The following GDF1 variants were observed in gnomAD, a reference collection of about 807,000 sequenced individuals.
GDF1 encodes the protein growth differentiation factor 1.
Under a neutral mutation model 7.4 loss-of-function variants are expected in GDF1, and 8 were observed. The observed-to-expected ratio is 1.09, with a 90% CI of 0.64 to 1.96. The LOEUF is 1.96. Among genes scored for constraint, GDF1 ranks in the 30% most tolerant of loss-of-function variants. The pLI, the probability that GDF1 is intolerant of heterozygous loss-of-function variation, is 0.00. For synonymous variants in GDF1, 311 were observed against 276.7 expected, an observed-to-expected ratio of 1.12 and a Z score of -1.23; for missense variants, 574 against 551.5, an observed-to-expected ratio of 1.04 and a Z score of -0.41.
chr19:18,870,668 C>A lies in GDF1; in HGVS notation c.-312-49G>T. On this transcript the variant is annotated intron_variant, in intron 6 of 7. Coordinates refer to ENST00000247005, the MANE Select transcript of GDF1 (RefSeq NM_001492.6). The surrounding 1 kb of genome is among the most constrained non-coding windows in gnomAD (Gnocchi z 5.1). Reference sequence around the variant, plus strand: ...TTAGCCTGGGAGCCCCACGCGGCCGCCTGGCCCTCTTTCCCGCTTCTTCTC... The same window carrying A: ...TTAGCCTGGGAGCCCCACGCGGCCGACTGGCCCTCTTTCCCGCTTCTTCTC... The A allele has an allele frequency of 1.9e-6, 1 of 514,102 alleles. No homozygotes were observed. Among genetic ancestry groups the A allele is most frequent in the Non-Finnish European group, 3.5e-6 (1 of 283,982 alleles). 31.8% of individuals were successfully genotyped at this position (514,102 alleles called of 1,614,324 possible).
Position 18,878,833 on chromosome 19 carries a change from C to T in GDF1, c.-313+97G>A. On this transcript the variant is annotated intron_variant, in intron 6 of 7. Coordinates refer to ENST00000247005, the MANE Select transcript of GDF1 (RefSeq NM_001492.6). The surrounding 1 kb of genome is among the most constrained non-coding windows in gnomAD (Gnocchi z 4.6). ...CTTGGGGGGCAGCATCCGCGTCGGC[C>T]TCATCTGCTGCTGGGTCTTGGGGGC... is the stretch of plus-strand genomic sequence containing the variant. The T allele has an allele frequency of 6.5e-7, 1 of 1,533,824 alleles. No individual in the cohort carries two copies. Among genetic ancestry groups the T allele is most frequent in the Non-Finnish European group, 8.8e-7 (1 of 1,141,174 alleles).
intron 6 of GDF1, among the ~76,000 whole-genome samples, chr19:18,872,709 T>TTTAGTATA (rs2055995998): frequency 6.6e-6 from 1 of 151,890 alleles, no homozygotes. Flanking sequence ...AGAGATGCGG[T>TTTAGTATA]TTTACCATGT....
chr19:18,875,331 A>C (rs535687702), intron 6 of GDF1, among the ~76,000 whole-genome samples: 7 of 152,188 alleles, frequency 4.6e-5, no homozygotes, highest in Admixed American at 1.3e-4. Context: ...GGAACACTTG[A>C]GGTCAGGAGT....
In GDF1 at chr19:18,869,392, T is replaced by C. The variant is rs1324778074; in HGVS notation, c.326-2A>G. 2 of 1,527,058 alleles carry C rather than the reference T, an allele frequency of 1.3e-6. No individual in the cohort carries two copies. Among genetic ancestry groups the C allele is most frequent in the Non-Finnish European group, 1.7e-6 (2 of 1,143,652 alleles). 94.6% of individuals were successfully genotyped at this position (1,527,058 alleles called of 1,614,324 possible). On this transcript the variant is annotated splice_acceptor_variant, in intron 7 of 7. Transcript: ENST00000247005. LOFTEE classifies it high-confidence loss of function. ...GCTCCGAGGCCCGGGTGGGCGCACCTGGGGAGGTAGGAACAGGAACTCGGC... is the reference window on the plus strand; with the variant it reads ...GCTCCGAGGCCCGGGTGGGCGCACCCGGGGAGGTAGGAACAGGAACTCGGC...
chr19:18,879,002 T>C lies in GDF1; in HGVS notation c.-385A>G. 1.2e-6 allele frequency: 2 copies of C among 1,613,744 alleles called. No individual in the cohort carries two copies. The highest frequency in any genetic ancestry group is 1.7e-6 in the Non-Finnish European group (2 of 1,179,836). ...CCGCAGGTCCTTCAGCTCGTGCACCTGGCCTGTCAACACCTTGGCTGCAAA... is the reference window on the plus strand; with the variant it reads ...CCGCAGGTCCTTCAGCTCGTGCACCCGGCCTGTCAACACCTTGGCTGCAAA... On this transcript the variant is annotated 5_prime_UTR_variant, in exon 6 of 8. Coordinates refer to ENST00000247005, the MANE Select transcript of GDF1 (RefSeq NM_001492.6).
At position 18,878,423 on chromosome 19, in the gene GDF1, C is replaced by T. The variant is rs2056105274; in HGVS notation, c.-313+507G>A. ...CTGGACTGAGTCTGAGCTCCCAGCC[C>T]CAGCTCCTGTTTGGCCGGGCAGTGG... On this transcript the variant is annotated intron_variant, in intron 6 of 7. Coordinates refer to ENST00000247005, the MANE Select transcript of GDF1 (RefSeq NM_001492.6). The surrounding 1 kb of genome is among the most constrained non-coding windows in gnomAD (Gnocchi z 4.6). The T allele has an allele frequency of 2.0e-6, 2 of 990,888 alleles. No homozygotes were observed. The highest frequency in any genetic ancestry group is 9.2e-5 in the South Asian group (2 of 21,824). The allele number at this position is 990,888 out of a possible 1,614,324, so 61.4% of individuals were successfully genotyped here.
intron 7 of GDF1, 110 bp from the exon 8 acceptor site, chr19:18,869,500 C>G (rs2055923238): frequency 8.2e-7 from 1 of 1,219,640 alleles, no homozygotes; most frequent in Non-Finnish European, 1.1e-6. Context: ...GGCGCACCGT[C>G]TGTGGGAAGG....
rs778999415 is a variant in GDF1, at chr19:18,878,949, G to A, written c.-332C>T. The A allele has an allele frequency of 9.9e-6, 16 of 1,613,766 alleles. No homozygotes were observed. Among genetic ancestry groups the A allele is most frequent in the Non-Finnish European group, 1.4e-5 (16 of 1,179,846 alleles). ...ACTCACTCGGCTTTGCTGGGCTTCAGGCTCTGGGCCTCGGCTGTGTCATAC... is the reference window on the plus strand; with the variant it reads ...ACTCACTCGGCTTTGCTGGGCTTCAAGCTCTGGGCCTCGGCTGTGTCATAC... On this transcript the variant is annotated 5_prime_UTR_variant, in exon 6 of 8. Coordinates refer to ENST00000247005, the MANE Select transcript of GDF1 (RefSeq NM_001492.6). The surrounding 1 kb of genome is among the most constrained non-coding windows in gnomAD (Gnocchi z 4.6).
rs187001958 is a variant in GDF1, at chr19:18,878,230, T to C, written c.-313+700A>G. On this transcript the variant is annotated intron_variant, in intron 6 of 7. Transcript: ENST00000247005. This position sits in a 1 kb window ranked among gnomAD's most constrained non-coding sequence, Gnocchi z 4.6. ...GCTCAAACACTCCTCACGTTGCCTA[T>C]GAGACACTGCACACCCGACTCTGCT... The C allele has an allele frequency of 2.8e-4, 279 of 985,604 alleles. No individual in the cohort carries two copies. Among genetic ancestry groups the C allele is most frequent in the Non-Finnish European group, 3.3e-4 (277 of 830,192 alleles). 61.1% of individuals were successfully genotyped at this position (985,604 alleles called of 1,614,324 possible). A position where few individuals can be genotyped will look rare whatever the true frequency, so the allele number is the denominator to read the frequency against.
At position 18,869,238 on chromosome 19, in the gene GDF1, C is replaced by A; in HGVS notation, c.478G>T (p.Glu160Ter). The part of the protein sequence containing the change: ...RFAAAAAAAP[E>*]GGWELSVAQA... ...GCCACGCTCAGCTCCCAGCCGCCCT[C>A]CGGGGCTGCCGCCGCCGCCGCCGCG... The change falls in exon 8 of 8, where the codon GAG (glutamate) becomes TAG (stop). Residue 160 changes from glutamate (E) to a stop codon, truncating the protein, a stop_gained. Coordinates refer to ENST00000247005, the MANE Select transcript of GDF1 (RefSeq NM_001492.6). LOFTEE classifies it low-confidence loss of function (END_TRUNC). The A allele has an allele frequency of 7.1e-7, 1 of 1,417,616 alleles. No homozygotes were observed. The highest frequency in any genetic ancestry group is 9.1e-7 in the Non-Finnish European group (1 of 1,096,962). 87.8% of individuals were successfully genotyped at this position (1,417,616 alleles called of 1,614,324 possible).
At chr19:18,880,174 G>C in intron 4 of GDF1, 100 bp downstream of exon 4, 4 of 1,207,288 alleles carry the variant, frequency 3.3e-6, no homozygotes, top group East Asian at 6.0e-5. Flanking sequence ...CCACCTCACC[G>C]GGCCCCGCCT....
chr19:18,868,673 A>G lies in GDF1; in HGVS notation c.1043T>C (p.Leu348Pro). Reference protein sequence around the residue: ...VPARLSPISVLFFDNSDNVVL... With the variant: ...VPARLSPISVPFFDNSDNVVL... Reference sequence around the variant, plus strand: ...CACGTTGTCGCTGTTGTCAAAGAAGAGCACGGAGATGGGCGACAGGCGCGC... The same window carrying G: ...CACGTTGTCGCTGTTGTCAAAGAAGGGCACGGAGATGGGCGACAGGCGCGC... The change falls in exon 8 of 8, where the codon CTC becomes CCC. Residue 348 changes from leucine to proline, a missense_variant. Physicochemically the swap from Leu to Pro is moderately conservative, Grantham distance 98. Coordinates refer to ENST00000247005, the MANE Select transcript of GDF1 (RefSeq NM_001492.6). 1 of 1,573,810 alleles carries G rather than the reference A, an allele frequency of 6.4e-7. No homozygotes were observed. Among genetic ancestry groups the G allele is most frequent in the South Asian group, 1.2e-5 (1 of 85,944 alleles).
intron 6 of GDF1, among the ~76,000 whole-genome samples, chr19:18,876,923 G>C (rs1190205811): frequency 6.6e-6 from 1 of 152,170 alleles, no homozygotes; most frequent in African/African-American, 2.4e-5. Flanking sequence ...CATGCTGCAG[G>C]TGGCATCTGT....
In GDF1 at chr19:18,895,450, C is replaced by T. The variant is rs2056602414; in HGVS notation, c.-1074+374G>A. On this transcript the variant is annotated intron_variant, in intron 1 of 7. Transcript: ENST00000247005. This position sits in a 1 kb window ranked among gnomAD's most constrained non-coding sequence, Gnocchi z 6.4. ...CGGAAAGAGCGCGCGGTGGCCGGAG[C>T]CATCCACCGCGCGGGGCCCCCTGGT... is the stretch of plus-strand genomic sequence containing the variant. 6.6e-6 allele frequency among the ~76,000 whole-genome samples: 1 copy of T among 150,888 alleles called. No homozygotes were observed. Among genetic ancestry groups the T allele is most frequent in the Non-Finnish European group, 1.5e-5 (1 of 67,672 alleles).
intron 7 of GDF1, 45 bp downstream of exon 7, chr19:18,869,938 G>A (rs1290559806): frequency 6.5e-7 from 1 of 1,533,096 alleles, no homozygotes. Context: ...CGCCCTGCGA[G>A]GTCTGGCCTC....
intron 6 of GDF1, among the ~76,000 whole-genome samples, chr19:18,873,656 T>G (rs945388292): frequency 1.3e-5 from 2 of 151,500 alleles, no homozygotes; most frequent in African/African-American, 4.9e-5. Context: ...TGGGCCAACA[T>G]TGTGAAACCT....
chr19:18,896,128 AGCCGCGC>A lies in GDF1; in HGVS notation c.-1385_-1379del, dbSNP rs920070790. 2.9e-6 allele frequency: 2 copies of A among 697,562 alleles called. No homozygotes were observed. The highest frequency in any genetic ancestry group is 3.5e-6 in the Non-Finnish European group (2 of 570,590). 43.2% of individuals were successfully genotyped at this position (697,562 alleles called of 1,614,324 possible). On this transcript the variant is annotated 5_prime_UTR_variant, in exon 1 of 8. Transcript: ENST00000247005. This position sits in a 1 kb window ranked among gnomAD's most constrained non-coding sequence, Gnocchi z 5.9. ...TGCGCCCGCCCGCGGTAGCCGACGG[AGCCGCGC>A]GCCCCGCGTCACGCGCCGCAGCTGG...
At chr19:18,891,123 A>G (rs112361530) in intron 2 of GDF1, among the ~76,000 whole-genome samples, 1 of 143,564 alleles carries the variant, frequency 7.0e-6, no homozygotes, top group South Asian at 2.1e-4. Context: ...GACTGTCTCA[A>G]AAAAAAAAAA....
intron 7 of GDF1, among the ~76,000 whole-genome samples, 200 bp from the exon 8 acceptor site, chr19:18,869,590 G>C (rs1354579904): frequency 6.0e-5 from 9 of 151,012 alleles, no homozygotes; most frequent in Admixed American, 5.9e-4. Context: ...GTGCGGCGGG[G>C]GGGGTGGGCT....
Sources: allele counts gnomAD v4.1 joint callset (sites outside exome capture counted in the v4.1 genomes callset), GRCh38; gene constraint gnomAD v4.1.1; non-coding constraint Gnocchi (gnomAD v3.1); transcripts MANE v1.5; gene names NCBI Gene and HGNC (gene_info 2026-07-23, HGNC 2026-07-21).